CSMD1: variants seen among roughly 807,000 people sequenced by gnomAD.
CSMD1 encodes CUB and sushi domain-containing protein 1.
In CSMD1, 213 loss-of-function variants were observed where a neutral mutation model predicts 417.5. The ratio of observed to expected loss-of-function variants is 0.51; its 90% CI spans 0.46 to 0.57. The LOEUF (loss-of-function observed/expected upper bound fraction) is 0.57. CSMD1 is among the 20% of genes least tolerant of loss of function. The probability of loss-of-function intolerance (pLI) is 0.00; values close to 1 mark genes in which losing one functional copy is unlikely to be tolerated. For missense variants in CSMD1, 6,923 were observed against 4,529.7 expected (o/e 1.53, Z -15.17); for synonymous variants, 2,862 against 1,736.8 (o/e 1.65, Z -16.11).
intron 12 of CSMD1, among the ~76,000 whole-genome samples, chr8:3,435,126 C>A (rs1814465226): frequency 6.6e-6 from 1 of 152,156 alleles, no homozygotes; most frequent in Non-Finnish European, 1.5e-5. Flanking sequence ...CTACTTCACT[C>A]ACTCTGTGGC....
At chr8:4,636,360 T>C (rs1195304734) in intron 2 of CSMD1, among the ~76,000 whole-genome samples, 1 of 152,198 alleles carries the variant, frequency 6.6e-6, no homozygotes, top group East Asian at 1.9e-4. Context: ...GCTTTCTTCA[T>C]TGTAAAAACT....
At chr8:4,924,458 C>G (rs1269009933) in intron 1 of CSMD1, among the ~76,000 whole-genome samples, 1 of 152,114 alleles carries the variant, frequency 6.6e-6, no homozygotes, top group African/African-American at 2.4e-5. Flanking sequence ...CACGGTGGCT[C>G]ACGCCTGTAA....
intron 1 of CSMD1, among the ~76,000 whole-genome samples, chr8:4,902,500 T>G (rs1215649920): frequency 1.3e-5 from 2 of 151,980 alleles, no homozygotes; most frequent in Admixed American, 1.3e-4. Flanking sequence ...TATAATGTAG[T>G]TTGCAAAGCA....
chr8:3,869,512 T>A (rs1805333931), intron 5 of CSMD1, among the ~76,000 whole-genome samples: 1 of 152,192 alleles, frequency 6.6e-6, no homozygotes, highest in African/African-American at 2.4e-5. Context: ...GCGTTTGATA[T>A]GCTTAACAAT....
chr8:4,143,503 T>A (rs1803921091), intron 3 of CSMD1, among the ~76,000 whole-genome samples: 1 of 150,816 alleles, frequency 6.6e-6, no homozygotes, highest in African/African-American at 2.5e-5. Context: ...CTGGTTAAAC[T>A]AAAGAAGAAG....
At chr8:4,379,983 A>G (rs1802998350) in intron 3 of CSMD1, among the ~76,000 whole-genome samples, 2 of 152,248 alleles carry the variant, frequency 1.3e-5, no homozygotes, top group Admixed American at 1.3e-4. Context: ...CACATGGAAT[A>G]GCATCAGTAT....
chr8:3,317,170 C>T (rs1584988971), intron 23 of CSMD1, among the ~76,000 whole-genome samples: 1 of 152,148 alleles, frequency 6.6e-6, no homozygotes. Context: ...GCATTGTTGT[C>T]ACATAATGAT....
chr8:4,758,418 A>G (rs1169633358), intron 1 of CSMD1, among the ~76,000 whole-genome samples: 1 of 152,172 alleles, frequency 6.6e-6, no homozygotes, highest in Non-Finnish European at 1.5e-5. Context: ...AGATTGTAGA[A>G]CACAAAATGG....
intron 2 of CSMD1, among the ~76,000 whole-genome samples, chr8:4,431,587 C>T (rs1175784936): frequency 6.6e-6 from 1 of 152,092 alleles, no homozygotes; most frequent in Non-Finnish European, 1.5e-5. Context: ...TGCTCTGAGG[C>T]TACCTCTTTG....
chr8:3,922,612 T>A (rs561436360), intron 5 of CSMD1, among the ~76,000 whole-genome samples: 10 of 152,316 alleles, frequency 6.6e-5, no homozygotes, highest in African/African-American at 2.2e-4. Context: ...TAAAGCAGTC[T>A]ATTTTGTGGC....
rs372624193 is a variant in CSMD1 at position 3,219,368 on chromosome 8, C to T, written c.4559G>A (p.Ser1520Asn). 5.1e-6 allele frequency: 8 copies of T among 1,571,708 alleles called. No homozygotes were observed. In the South Asian group the frequency reaches 5.8e-5, roughly 11 times the overall value. ...GEDSNSPLIGSYQGSQAPERI... is the reference protein window; with the variant it reads ...GEDSNSPLIGNYQGSQAPERI... ...TTCTGGGGCCTGAGAGCCCTGGTAA[C>T]TCCCAATGAGGGGGCTGTTGGAATC... Residue 1520 changes from serine to asparagine, a missense_variant, in exon 29 of 70, where the codon AGT (serine) becomes AAT (asparagine). Ser to Asn is a conservative substitution (Grantham distance 46, BLOSUM62 1). Transcript: ENST00000635120.
intron 5 of CSMD1, among the ~76,000 whole-genome samples, chr8:3,900,737 G>A (rs1807691810): frequency 6.6e-6 from 1 of 152,034 alleles, no homozygotes; most frequent in East Asian, 1.9e-4. Context: ...ACTATAGCTA[G>A]CTGCCACCGC....
intron 5 of CSMD1, among the ~76,000 whole-genome samples, chr8:3,891,893 C>G (rs1004359889): frequency 1.3e-5 from 2 of 152,084 alleles, no homozygotes; most frequent in Non-Finnish European, 2.9e-5. Context: ...TTTATTATGT[C>G]CACATGATTT....
chr8:3,667,667 G>C (rs898470086), intron 7 of CSMD1, among the ~76,000 whole-genome samples: 1 of 152,192 alleles, frequency 6.6e-6, no homozygotes, highest in Non-Finnish European at 1.5e-5. Context: ...GGGGTGAAGA[G>C]CAGTTGTCCA....
intron 3 of CSMD1, among the ~76,000 whole-genome samples, chr8:4,153,608 T>C (rs943877439): frequency 6.6e-5 from 10 of 152,220 alleles, no homozygotes; most frequent in Non-Finnish European, 1.0e-4. Flanking sequence ...GAGATGTCCC[T>C]GCTCTGTTTC....
chr8:4,962,502 T>C (rs1056198764), intron 1 of CSMD1, among the ~76,000 whole-genome samples: 4 of 152,210 alleles, frequency 2.6e-5, no homozygotes, highest in Non-Finnish European at 5.9e-5. Flanking sequence ...TGTCCCATCG[T>C]GCCCAGCCTA....
At chr8:3,712,375 GGAGAGAGA>G (rs746268570) in intron 6 of CSMD1, among the ~76,000 whole-genome samples, 46 of 112,286 alleles carry the variant, frequency 4.1e-4, no homozygotes, top group African/African-American at 1.5e-3. Flanking sequence ...CAAAGAAACA[GGAGAGAGA>G]GAGAGAGAGA....
intron 1 of CSMD1, among the ~76,000 whole-genome samples, chr8:4,705,786 T>C (rs1766915553): frequency 6.6e-6 from 1 of 152,190 alleles, no homozygotes; most frequent in African/African-American, 2.4e-5. Context: ...TAACATTCTA[T>C]CTTACAGAGT....
chr8:4,415,943 C>G (rs1474974372), intron 3 of CSMD1, among the ~76,000 whole-genome samples: 2 of 152,128 alleles, frequency 1.3e-5, no homozygotes, highest in Non-Finnish European at 2.9e-5. Context: ...CTTTCATTCC[C>G]TAGCAGCCAT....
Sources: allele counts gnomAD v4.1 joint callset (sites outside exome capture counted in the v4.1 genomes callset), GRCh38; gene constraint gnomAD v4.1.1; transcripts MANE v1.5; gene names NCBI Gene and HGNC (gene_info 2026-07-23, HGNC 2026-07-21).